SEPTIN7: variants seen among roughly 807,000 people sequenced by gnomAD.
SEPTIN7 encodes septin-7.
Under a neutral mutation model 63.3 loss-of-function variants are expected in SEPTIN7, and 10 were observed. The ratio of observed to expected loss-of-function variants is 0.16; its 90% CI spans 0.10 to 0.27. The LOEUF is 0.27. Ranked by LOEUF, SEPTIN7 falls within the 10% of genes least tolerant of loss-of-function variation. The pLI is 1.00. For missense variants in SEPTIN7, 310 were observed against 521.0 expected (o/e 0.59, Z 3.94); for synonymous variants, 131 against 165.3 (o/e 0.79, Z 1.59).
At chr7:35,886,330 A>G (rs1015612875) in intron 10 of SEPTIN7, among the ~76,000 whole-genome samples, 20 of 152,216 alleles carry the variant, frequency 1.3e-4, no homozygotes, top group African/African-American at 4.3e-4. Flanking sequence ...CAGTATTCCT[A>G]CCAGGTGAGA....
At chr7:35,907,970 T>C (rs1426526879), downstream of SEPTIN7, among the ~76,000 whole-genome samples, 1 of 152,212 alleles carries the variant, frequency 6.6e-6, no homozygotes. Flanking sequence ...AAAGTATTTC[T>C]TCTCAGTTTT....
chr7:35,841,404 A>T lies in SEPTIN7; in HGVS notation c.169+8504A>T, dbSNP rs565246107. ...GATTCTTAATCTGTTTTTGCTTCTCATACATATACTATCCTAATATGGTCT... is the reference window on the plus strand; with the variant it reads ...GATTCTTAATCTGTTTTTGCTTCTCTTACATATACTATCCTAATATGGTCT... On this transcript the variant is annotated intron_variant, in intron 3 of 13. Coordinates refer to ENST00000350320, the MANE Select transcript of SEPTIN7 (RefSeq NM_001788.6). Among the ~76,000 whole-genome samples the T allele has an allele frequency of 1.3e-4, 20 of 152,346 alleles. 1 individual carries two copies. The South Asian group carries it at 3.3e-3, about 25-fold the overall frequency.
At chr7:35,885,711 T>A (rs567373985) in intron 9 of SEPTIN7, 117 bp from the exon 10 acceptor site, 5 of 742,364 alleles carry the variant, frequency 6.7e-6, no homozygotes, top group African/African-American at 1.8e-5. Context: ...CTCAAAAAAA[T>A]TGATCTGTTT....
At chr7:35,896,923 C>G (rs892984717) in intron 11 of SEPTIN7, among the ~76,000 whole-genome samples, 3 of 152,136 alleles carry the variant, frequency 2.0e-5, no homozygotes, top group Non-Finnish European at 4.4e-5. Context: ...AACTGGTAGC[C>G]AATATTCTGT....
intron 11 of SEPTIN7, among the ~76,000 whole-genome samples, chr7:35,893,784 G>C (rs1422073674): frequency 3.3e-5 from 5 of 152,152 alleles, no homozygotes; most frequent in Non-Finnish European, 1.5e-5. Context: ...TTCTATTTCA[G>C]AGGGACTTAA....
chr7:35,898,415 A>T (rs1051856547), intron 12 of SEPTIN7, 32 bp downstream of exon 12: 2 of 1,394,634 alleles, frequency 1.4e-6, no homozygotes, highest in East Asian at 5.0e-5. Context: ...CTCTTAGCAG[A>T]CATTGTGTTC....
chr7:35,886,672 A>G (rs1007507206), intron 10 of SEPTIN7, among the ~76,000 whole-genome samples: 1 of 152,200 alleles, frequency 6.6e-6, no homozygotes, highest in Non-Finnish European at 1.5e-5. Context: ...CTTCAGTTTT[A>G]GATGTCTGTC....
intron 7 of SEPTIN7, among the ~76,000 whole-genome samples, chr7:35,881,034 T>G (rs1376180676): frequency 6.6e-6 from 1 of 152,054 alleles, no homozygotes; most frequent in Non-Finnish European, 1.5e-5. Flanking sequence ...CTATTGTCCA[T>G]ATAGTCCTAT....
intron 1 of SEPTIN7, among the ~76,000 whole-genome samples, chr7:35,825,345 T>C (rs1783443318): frequency 1.3e-5 from 2 of 152,192 alleles, no homozygotes; most frequent in African/African-American, 4.8e-5. Flanking sequence ...AAATGAGTTG[T>C]ATTGAACTGT....
At chr7:35,881,518 T>C (rs1302804134) in intron 7 of SEPTIN7, among the ~76,000 whole-genome samples, 7 of 151,704 alleles carry the variant, frequency 4.6e-5, no homozygotes, top group Admixed American at 2.0e-4. Context: ...TTTTTAAATA[T>C]AGGTACGTAC....
the SEPTIN7 span, among the ~76,000 whole-genome samples, chr7:35,915,066 TGCA>T: frequency 6.6e-6 from 1 of 151,798 alleles, no homozygotes; most frequent in Non-Finnish European, 1.5e-5. Flanking sequence ...TATACACAGA[TGCA>T]TGCATGTACA....
rs114535201 is a variant in SEPTIN7, at chr7:35,819,629, C to T, written c.62-11863C>T. On this transcript the variant is annotated intron_variant, in intron 1 of 13. Coordinates refer to ENST00000350320, the MANE Select transcript of SEPTIN7 (RefSeq NM_001788.6). ...TGGGGACTCTTTTATTAGGGACATA[C>T]GTGCTTAAAATTGTTCTATCTTCTC... Among the ~76,000 whole-genome samples the T allele has an allele frequency of 1.2e-3, 189 of 152,250 alleles. 1 individual carries two copies. Among genetic ancestry groups the T allele is most frequent in the African/African-American group, 4.3e-3 (177 of 41,564 alleles).
Position 35,905,392 on chromosome 7 carries a change from T to C in SEPTIN7, c.*1099T>C, listed in dbSNP as rs1402365982. On this transcript the variant is annotated 3_prime_UTR_variant, in exon 14 of 14. Coordinates refer to ENST00000350320, the MANE Select transcript of SEPTIN7 (RefSeq NM_001788.6). ...AGAAACTTTTCAGCTTAAGTTTGCC[T>C]CCTCTACAATGACATCTTTTATATG... 1 of 152,368 alleles carries C rather than the reference T, an allele frequency of 6.6e-6. No homozygotes were observed. The highest frequency in any genetic ancestry group is 1.9e-4 in the East Asian group (1 of 5,204). 9.4% of individuals were successfully genotyped at this position (152,368 alleles called of 1,614,324 possible).
At chr7:35,841,211 T>A (rs1017999263) in intron 3 of SEPTIN7, among the ~76,000 whole-genome samples, 1 of 151,734 alleles carries the variant, frequency 6.6e-6, no homozygotes, top group Non-Finnish European at 1.5e-5. Flanking sequence ...ACAGAGTGAG[T>A]GAGATTCTGT....
intron 1 of SEPTIN7, among the ~76,000 whole-genome samples, chr7:35,805,413 T>C (rs1232656272): frequency 1.3e-5 from 2 of 152,224 alleles, no homozygotes; most frequent in Admixed American, 6.5e-5. Context: ...TTTTTTATTA[T>C]TAGTTTCAAT....
At chr7:35,913,996 A>G in the SEPTIN7 span, among the ~76,000 whole-genome samples, 1 of 152,236 alleles carries the variant, frequency 6.6e-6, no homozygotes, top group Admixed American at 6.5e-5. Flanking sequence ...TTTTTAGAGT[A>G]ATGGCTAAAT....
At chr7:35,818,775 A>G (rs1789241486) in intron 1 of SEPTIN7, among the ~76,000 whole-genome samples, 1 of 151,540 alleles carries the variant, frequency 6.6e-6, no homozygotes, top group South Asian at 2.1e-4. Flanking sequence ...TTAATTGTTC[A>G]TAGGTTCCTT....
At chr7:35,875,685 G>T (rs1786430503) in intron 6 of SEPTIN7, among the ~76,000 whole-genome samples, 1 of 152,058 alleles carries the variant, frequency 6.6e-6, no homozygotes, top group African/African-American at 2.4e-5. Context: ...ATTTTAAAAT[G>T]GTGTTTTATC....
At chr7:35,847,294 G>T in intron 3 of SEPTIN7, 1 of 160,024 alleles carries the variant, frequency 6.2e-6, no homozygotes, top group South Asian at 1.7e-4. Context: ...TGAACTATGG[G>T]ACCACTCTTG....
Sources: gnomAD v4.1 joint callset for allele counts (sites outside exome capture counted in the v4.1 genomes callset) on GRCh38, gnomAD v4.1.1 for gene constraint, MANE v1.5 for transcripts, NCBI Gene and HGNC (gene_info 2026-07-23, HGNC 2026-07-21) for gene names.